Variants in CTSA observed in about 807,000 individuals in gnomAD.
The protein encoded by CTSA is cathepsin A.
A neutral mutation model predicts 66.7 loss-of-function variants in CTSA; 42 were observed. The ratio of observed to expected loss-of-function variants is 0.63; its 90% CI spans 0.49 to 0.81. CTSA has a LOEUF of 0.81. Among genes scored for constraint, CTSA ranks in the 40% least tolerant of loss-of-function variants. CTSA has a pLI of 0.00. For missense variants in CTSA, 525 were observed against 610.9 expected, an observed-to-expected ratio of 0.86 and a Z score of 1.48; for synonymous variants, 225 against 248.6, an observed-to-expected ratio of 0.91 and a Z score of 0.89.
intron 3 of CTSA, 37 bp downstream of exon 3, chr20:45,892,064 G>C (rs1005794566): frequency 8.9e-6 from 14 of 1,578,994 alleles, no homozygotes; most frequent in Non-Finnish European, 1.2e-5. Context: ...AGTTCCCAAA[G>C]TAAAAGGCTG....
At position 45,897,984 on chromosome 20, in the gene CTSA, A is replaced by G. The variant is rs772268666; in HGVS notation, c.1255-21A>G. On this transcript the variant is annotated intron_variant, in intron 13 of 14. Transcript: ENST00000646241. ...GCAAGGATGCAGCTGCTGTAGGCTG[A>G]TGTCTTTCCTGGTGGGGCAGATGGA... 6.8e-6 allele frequency: 11 copies of G among 1,612,276 alleles called. No homozygotes were observed. In the African/African-American group the frequency reaches 8.0e-5, roughly 12 times the overall value.
In CTSA at chr20:45,898,347, T is replaced by C; in HGVS notation, c.1360-20T>C. 1.9e-6 allele frequency: 3 copies of C among 1,604,764 alleles called. No individual in the cohort carries two copies. The highest frequency in any genetic ancestry group is 2.6e-6 in the Non-Finnish European group (3 of 1,172,392). On this transcript the variant is annotated intron_variant, in intron 14 of 14. Transcript: ENST00000646241. This position sits in a 1 kb window ranked among gnomAD's most constrained non-coding sequence, Gnocchi z 4.6. ...AGGAGGGAATGGTGGGGTCAGGAGC[T>C]CACGAACATTGCTCCTCAGGGCGCC...
At position 45,894,830 on chromosome 20, in the gene CTSA, AAGG is replaced by A; in HGVS notation, c.879_881del (p.Lys293_Asp294delinsAsn). The A allele has an allele frequency of 3.1e-6, 5 of 1,614,132 alleles. No individual in the cohort carries two copies. The highest frequency in any genetic ancestry group is 4.2e-6 in the Non-Finnish European group (5 of 1,180,012). On this transcript the variant is annotated inframe_deletion, in exon 10 of 15. Coordinates refer to ENST00000646241, the MANE Select transcript of CTSA (RefSeq NM_000308.4). ...CCCCACCTCACATTGCAGGTATGAG[AAGG>A]ACACTGTTGTGGTCCAGGATTTGGG...
chr20:45,891,673 C>A lies in CTSA; in HGVS notation c.105C>A (p.Ile35=). Reference sequence around the variant, plus strand: ...AGGCAGCCCCCGACCAGGACGAGATCCAGCGCCTCCCCGGGCTGGCCAAGC... The same window carrying A: ...AGGCAGCCCCCGACCAGGACGAGATACAGCGCCTCCCCGGGCTGGCCAAGC... ...RGEAAPDQDE[I]QRLPGLAKQP... The change falls in exon 2 of 15, where the codon ATC becomes ATA. Residue 35 remains isoleucine, a synonymous_variant. Transcript: ENST00000646241. This position sits in a 1 kb window ranked among gnomAD's most constrained non-coding sequence, Gnocchi z 4.6. 6.2e-7 allele frequency: 1 copy of A among 1,612,926 alleles called. No individual in the cohort carries two copies. The highest frequency in any genetic ancestry group is 8.5e-7 in the Non-Finnish European group (1 of 1,179,968).
chr20:45,895,302 TTCTTTTA>T (rs1987192887), intron 11 of CTSA, 169 bp downstream of exon 11: 3 of 762,062 alleles, frequency 3.9e-6, no homozygotes, highest in Admixed American at 5.7e-5. Context: ...AGCCAATTCA[TTCTTTTA>T]TCTTTTTTAA....
At position 45,894,998 on chromosome 20, in the gene CTSA, T is replaced by G; in HGVS notation, c.953T>G (p.Leu318Arg). 1 of 1,614,194 alleles carries G rather than the reference T, an allele frequency of 6.2e-7. No homozygotes were observed. Residue 318 changes from leucine to arginine, a missense_variant, in exon 11 of 15, where the codon CTG becomes CGG. By Grantham distance (102) the Leu-to-Arg change is moderately radical. Coordinates refer to ENST00000646241, the MANE Select transcript of CTSA (RefSeq NM_000308.4). Reference protein sequence around the residue: ...LPLKRMWHQALLRSGDKVRMD... With the variant: ...LPLKRMWHQARLRSGDKVRMD... ...CCCACTGTCTGTGCCTTCCAGGCAC[T>G]GCTGCGCTCAGGGGATAAAGTGCGC...
In CTSA at chr20:45,892,845, G is replaced by A. The variant is rs773522013; in HGVS notation, c.565G>A (p.Val189Met). ...TGGCATCTACATCCCCACCCTGGCCGTGCTGGTCATGCAGGATCCCAGCAT... is the reference window on the plus strand; with the variant it reads ...TGGCATCTACATCCCCACCCTGGCCATGCTGGTCATGCAGGATCCCAGCAT... ...YAGIYIPTLA[V>M]LVMQDPSMNL... Residue 189 changes from valine to methionine, a missense_variant, in exon 6 of 15, where the codon GTG (valine) becomes ATG (methionine). Around this residue, in one of 3 missense-constraint regions of CTSA, gnomAD observed 246 missense variants for 267.4 expected, o/e 0.92. Transcript: ENST00000646241. The A allele has an allele frequency of 5.0e-6, 8 of 1,613,990 alleles. No individual in the cohort carries two copies. In the African/African-American group the frequency reaches 5.3e-5, roughly 11 times the overall value.
Position 45,891,415 on chromosome 20 carries a change from G to T in CTSA, c.-1+36G>T. 1.3e-6 allele frequency: 2 copies of T among 1,556,338 alleles called. No individual in the cohort carries two copies. Among genetic ancestry groups the T allele is most frequent in the South Asian group, 1.2e-5 (1 of 84,914 alleles). ...ACCGGAGGCTGGAGGGGATCCCCGA[G>T]CCCGGGATCGGTGCGCGGCAGAGGA... On this transcript the variant is annotated intron_variant, in intron 1 of 14. Transcript: ENST00000646241. This position sits in a 1 kb window ranked among gnomAD's most constrained non-coding sequence, Gnocchi z 4.6.
intron 11 of CTSA, chr20:45,895,377 G>A (rs188917466): frequency 3.9e-6 from 2 of 506,940 alleles, no homozygotes; most frequent in Non-Finnish European, 7.1e-6. Context: ...CTGGAGTGCA[G>A]TGGTGTGATC....
At position 45,898,356 on chromosome 20, in the gene CTSA, T is replaced by G; in HGVS notation, c.1360-11T>G. On this transcript the variant is annotated splice_polypyrimidine_tract_variant and intron_variant, in intron 14 of 14. Transcript: ENST00000646241. This position sits in a 1 kb window ranked among gnomAD's most constrained non-coding sequence, Gnocchi z 4.6. Reference sequence around the variant, plus strand: ...TGGTGGGGTCAGGAGCTCACGAACATTGCTCCTCAGGGCGCCGGCCACATG... The same window carrying G: ...TGGTGGGGTCAGGAGCTCACGAACAGTGCTCCTCAGGGCGCCGGCCACATG... 1 of 1,611,534 alleles carries G rather than the reference T, an allele frequency of 6.2e-7. No homozygotes were observed. Among genetic ancestry groups the G allele is most frequent in the South Asian group, 1.1e-5 (1 of 90,978 alleles).
rs764115103 is a variant in CTSA at position 45,896,962 on chromosome 20, C to T, written c.1089-3C>T. On this transcript the variant is annotated splice_region_variant and splice_polypyrimidine_tract_variant and intron_variant, in intron 11 of 14. Coordinates refer to ENST00000646241, the MANE Select transcript of CTSA (RefSeq NM_000308.4). The stretch of plus-strand genomic sequence containing the variant: ...CTGGGGCCTGCTCGTATGTTCCCGG[C>T]AGCTTTCTGGTAAACTTACAGTACC... The T allele has an allele frequency of 1.9e-6, 3 of 1,613,738 alleles. No homozygotes were observed. Among genetic ancestry groups the T allele is most frequent in the Non-Finnish European group, 2.5e-6 (3 of 1,179,678 alleles).
chr20:45,892,130 C>T lies in CTSA; in HGVS notation c.306+103C>T, dbSNP rs187034385. Reference sequence around the variant, plus strand: ...CCAAAAAGTTTCCTTCCTTCTAAGCCTCGGGATTTTCCTCTATGCCATTGG... The same window carrying T: ...CCAAAAAGTTTCCTTCCTTCTAAGCTTCGGGATTTTCCTCTATGCCATTGG... On this transcript the variant is annotated intron_variant, in intron 3 of 14. Coordinates refer to ENST00000646241, the MANE Select transcript of CTSA (RefSeq NM_000308.4). 127 of 1,441,882 alleles carry T rather than the reference C, an allele frequency of 8.8e-5. 1 individual carries two copies. The African/African-American group carries it at 1.2e-3, about 13-fold the overall frequency. 89.3% of individuals were successfully genotyped at this position (1,441,882 alleles called of 1,614,324 possible).
intron 13 of CTSA, 40 bp from the exon 14 acceptor site, chr20:45,897,965 A>G (rs200984553): frequency 3.7e-6 from 6 of 1,600,528 alleles, no homozygotes; most frequent in Non-Finnish European, 5.1e-6. Context: ...GTGAGCAAGG[A>G]TGCAGCTGCT....
At chr20:45,897,860 C>T (rs971743520) in intron 13 of CTSA, 54 bp downstream of exon 13, 47 of 1,509,316 alleles carry the variant, frequency 3.1e-5, no homozygotes, top group African/African-American at 2.6e-4. Context: ...GGATTGGGAG[C>T]GGGTATGCCT....
At chr20:45,897,181 T>A in intron 12 of CTSA, 141 bp downstream of exon 12, 1 of 763,192 alleles carries the variant, frequency 1.3e-6, no homozygotes, top group Non-Finnish European at 2.3e-6. Context: ...CTGTGATTGG[T>A]GGGGTCAGAA....
Position 45,898,202 on chromosome 20 carries a change from C to A in CTSA, c.1359+93C>A. On this transcript the variant is annotated intron_variant, in intron 14 of 14. Coordinates refer to ENST00000646241, the MANE Select transcript of CTSA (RefSeq NM_000308.4). This position sits in a 1 kb window ranked among gnomAD's most constrained non-coding sequence, Gnocchi z 4.6. The stretch of plus-strand genomic sequence containing the variant: ...CCTCTGGCTGCCTTTTAGGCTGGGT[C>A]ATGGGTCACCATCTGGCCCCTGTAT... The A allele has an allele frequency of 7.1e-7, 1 of 1,418,164 alleles. No homozygotes were observed. The highest frequency in any genetic ancestry group is 9.8e-7 in the Non-Finnish European group (1 of 1,015,266). 87.8% of individuals were successfully genotyped at this position (1,418,164 alleles called of 1,614,324 possible). A position where few individuals can be genotyped will look rare whatever the true frequency, so the allele number is the denominator to read the frequency against.
chr20:45,891,608 CTG>C lies in CTSA; in HGVS notation c.41_42del (p.Leu14ProfsTer125), dbSNP rs774681531. 3 of 1,605,986 alleles carry C rather than the reference CTG, an allele frequency of 1.9e-6. No homozygotes were observed. In the South Asian group the frequency reaches 3.3e-5, roughly 18 times the overall value. On this transcript the variant is annotated frameshift_variant, in exon 2 of 15. Transcript: ENST00000646241. LOFTEE classifies it high-confidence loss of function. This position sits in a 1 kb window ranked among gnomAD's most constrained non-coding sequence, Gnocchi z 4.6. ...AAPPPLFLLL[L>X]LLLLLVSWAS... ...GCCGCCGCCGCTGTTCCTGCTGCTG[CTG>C]CTGCTGCTGCTGCTAGTGTCCTGGG...
chr20:45,897,159 A>G, intron 12 of CTSA, 119 bp downstream of exon 12: 1 of 854,046 alleles, frequency 1.2e-6, no homozygotes, highest in Non-Finnish European at 2.0e-6. Flanking sequence ...CCGAAAGGCG[A>G]AGCCCAGGGT....
chr20:45,891,739 C>T lies in CTSA; in HGVS notation c.171C>T (p.Ser57=), dbSNP rs1440706364. The change falls in exon 2 of 15, where the codon TCC becomes TCT. Residue 57 remains serine (S), a synonymous_variant. Coordinates refer to ENST00000646241, the MANE Select transcript of CTSA (RefSeq NM_000308.4). The surrounding 1 kb of genome is among the most constrained non-coding windows in gnomAD (Gnocchi z 4.6). ...AGTACTCCGGCTACCTCAAAGGCTC[C>T]GGCTCCAAGCACCTCCACTACTGGT... is the stretch of plus-strand genomic sequence containing the variant. The part of the protein sequence containing the change: ...FRQYSGYLKG[S]GSKHLHYWFV... 1.2e-6 allele frequency: 2 copies of T among 1,613,762 alleles called. No homozygotes were observed. Among genetic ancestry groups the T allele is most frequent in the African/African-American group, 1.3e-5 (1 of 75,062 alleles).
Sources: gnomAD v4.1 joint callset for allele counts on GRCh38, gnomAD v4.1.1 for gene constraint, gnomAD v4.1.1 regional missense constraint, Gnocchi (gnomAD v3.1) non-coding constraint, MANE v1.5 for transcripts, NCBI Gene and HGNC (gene_info 2026-07-23, HGNC 2026-07-21) for gene names.